Variants in SCAPER observed in about 807,000 individuals in gnomAD.
SCAPER encodes S phase cyclin A-associated protein in the endoplasmic reticulum.
Under a neutral mutation model 182.2 loss-of-function variants are expected in SCAPER, and 98 were observed. The ratio of observed to expected loss-of-function variants is 0.54; its 90% CI spans 0.46 to 0.64. The LOEUF (loss-of-function observed/expected upper bound fraction) is 0.64. Ranked by LOEUF, SCAPER falls within the 30% of genes least tolerant of loss-of-function variation. SCAPER has a pLI of 0.00. For synonymous variants in SCAPER, 605 were observed against 564.6 expected, an observed-to-expected ratio of 1.07 and a Z score of -1.01; for missense variants, 1,432 against 1,690.0, an observed-to-expected ratio of 0.85 and a Z score of 2.68.
chr15:76,466,816 G>A (rs1198921069), intron 25 of SCAPER, among the ~76,000 whole-genome samples: 1 of 152,116 alleles, frequency 6.6e-6, no homozygotes, highest in East Asian at 1.9e-4. Flanking sequence ...CTCAACTAGA[G>A]ATGCTTGCTG....
Position 76,358,998 on chromosome 15 carries a change from G to A in SCAPER, c.3856-4858C>T, listed in dbSNP as rs569478290. On this transcript the variant is annotated intron_variant, in intron 29 of 31. Transcript: ENST00000563290. ...TCACTTAACTAATTTGAGCCTTAGA[G>A]TCTTTATAAAATGAGGGTAGATGGT... 6.7e-4 allele frequency among the ~76,000 whole-genome samples: 102 copies of A among 152,324 alleles called. 3 individuals are homozygous for A. In the South Asian group the frequency reaches 0.021, roughly 31 times the overall value.
chr15:76,500,679 A>G (rs545207812), intron 24 of SCAPER, among the ~76,000 whole-genome samples: 2 of 152,258 alleles, frequency 1.3e-5, no homozygotes, highest in South Asian at 4.1e-4. Context: ...ACTCCTATTT[A>G]TTTTCAAATA....
chr15:76,364,257 C>G (rs923414694), intron 29 of SCAPER, among the ~76,000 whole-genome samples: 2 of 151,984 alleles, frequency 1.3e-5, no homozygotes, highest in African/African-American at 4.8e-5. Context: ...CCTTGGCAGA[C>G]CATGTGGGAA....
intron 23 of SCAPER, among the ~76,000 whole-genome samples, chr15:76,538,134 C>T (rs1202139776): frequency 6.8e-6 from 1 of 146,452 alleles, no homozygotes; most frequent in Non-Finnish European, 1.5e-5. Flanking sequence ...TAAACTAGTT[C>T]AACCATTGTG....
At chr15:76,444,907 C>T (rs1472059132) in intron 25 of SCAPER, among the ~76,000 whole-genome samples, 2 of 152,176 alleles carry the variant, frequency 1.3e-5, no homozygotes, top group South Asian at 2.1e-4. Context: ...GTCATTGGAG[C>T]ACATTCATTG....
intron 25 of SCAPER, among the ~76,000 whole-genome samples, chr15:76,443,214 G>T (rs183044505): frequency 6.6e-6 from 1 of 152,144 alleles, no homozygotes; most frequent in African/African-American, 2.4e-5. Context: ...TGTGAAAAAT[G>T]TGTATTTTGA....
At chr15:76,348,954 G>T in intron 31 of SCAPER, 1 of 367,766 alleles carries the variant, frequency 2.7e-6, no homozygotes. Context: ...AATCCAGTTT[G>T]TCCTTTAACA....
At chr15:76,726,771 C>T (rs188384426) in intron 17 of SCAPER, among the ~76,000 whole-genome samples, 183 of 152,028 alleles carry the variant, frequency 1.2e-3, no homozygotes, top group African/African-American at 4.4e-3. Flanking sequence ...TATATAAGAT[C>T]CCTAAAGCAG....
chr15:76,372,275 C>T (rs1365038734), intron 29 of SCAPER, among the ~76,000 whole-genome samples: 1 of 152,218 alleles, frequency 6.6e-6, no homozygotes, highest in African/African-American at 2.4e-5. Context: ...TCTTCTCCAA[C>T]TGACAAGTGA....
intron 26 of SCAPER, among the ~76,000 whole-genome samples, chr15:76,411,141 A>C (rs2045260393): frequency 1.3e-5 from 2 of 152,114 alleles, no homozygotes; most frequent in African/African-American, 4.8e-5. Context: ...AAATCATTCA[A>C]AATGTTCTCT....
At chr15:76,524,903 T>G (rs1164694562) in intron 23 of SCAPER, among the ~76,000 whole-genome samples, 1 of 152,048 alleles carries the variant, frequency 6.6e-6, no homozygotes, top group Non-Finnish European at 1.5e-5. Context: ...AAATTAAACA[T>G]AATTACTGAC....
intron 23 of SCAPER, among the ~76,000 whole-genome samples, chr15:76,543,376 G>A (rs930602627): frequency 6.6e-6 from 1 of 152,086 alleles, no homozygotes; most frequent in African/African-American, 2.4e-5. Context: ...TTAAAATACA[G>A]GAAGTAGACT....
chr15:76,585,553 T>C (rs747277766), intron 22 of SCAPER, among the ~76,000 whole-genome samples: 15 of 152,198 alleles, frequency 9.9e-5, no homozygotes, highest in Admixed American at 3.3e-4. Flanking sequence ...TCTAGCACTA[T>C]TCTTAACAAG....
chr15:76,567,932 C>T (rs1442567643), intron 23 of SCAPER, among the ~76,000 whole-genome samples: 4 of 151,824 alleles, frequency 2.6e-5, no homozygotes, highest in African/African-American at 9.7e-5. Context: ...ATTTTCTTGT[C>T]CAGGTAAAAC....
chr15:76,461,346 AC>A (rs1296610871), intron 25 of SCAPER, among the ~76,000 whole-genome samples: 3 of 144,156 alleles, frequency 2.1e-5, no homozygotes, highest in Non-Finnish European at 4.6e-5. Flanking sequence ...TTTTTTTTTT[AC>A]AAAAAAGATT....
chr15:76,608,975 G>A (rs2050727668), intron 22 of SCAPER, among the ~76,000 whole-genome samples: 1 of 152,186 alleles, frequency 6.6e-6, no homozygotes, highest in South Asian at 2.1e-4. Flanking sequence ...TGCTTCCTGG[G>A]TGAGGCGATG....
chr15:76,561,053 C>T (rs190107187), intron 23 of SCAPER, among the ~76,000 whole-genome samples: 1 of 152,108 alleles, frequency 6.6e-6, no homozygotes, highest in African/African-American at 2.4e-5. Flanking sequence ...TCCGAGAACC[C>T]AGACTTACAT....
chr15:76,376,405 A>G (rs2042570298), intron 28 of SCAPER, 94 bp from the exon 29 acceptor site: 2 of 1,343,122 alleles, frequency 1.5e-6, no homozygotes, highest in African/African-American at 3.0e-5. Flanking sequence ...ACTTTCTGCC[A>G]TGGTGGTGGA....
intron 8 of SCAPER, among the ~76,000 whole-genome samples, chr15:76,788,817 A>G (rs1023283515): frequency 1.1e-4 from 16 of 152,116 alleles, no homozygotes; most frequent in Non-Finnish European, 2.1e-4. Flanking sequence ...CAGCTTCAAC[A>G]ATTATCAACA....
Sources: allele counts gnomAD v4.1 joint callset (sites outside exome capture counted in the v4.1 genomes callset), GRCh38; gene constraint gnomAD v4.1.1; transcripts MANE v1.5; gene names NCBI Gene and HGNC (gene_info 2026-07-23, HGNC 2026-07-21).